The following KDM2B variants were observed in gnomAD, a reference collection of about 807,000 sequenced individuals.
KDM2B encodes lysine-specific demethylase 2B.
A neutral mutation model predicts 150.0 loss-of-function variants in KDM2B; 26 were observed. The ratio of observed to expected loss-of-function variants is 0.17; its 90% confidence interval spans 0.13 to 0.24. The LOEUF (loss-of-function observed/expected upper bound fraction) is 0.24. KDM2B is among the 10% of genes least tolerant of loss of function. The probability of loss-of-function intolerance (pLI) is 1.00; values close to 1 mark genes in which losing one functional copy is unlikely to be tolerated. For missense variants in KDM2B, 1,265 were observed against 1,816.9 expected, an observed-to-expected ratio of 0.70 and a Z score of 5.52; for synonymous variants, 734 against 729.5, an observed-to-expected ratio of 1.01 and a Z score of -0.10.
Position 121,443,785 on chromosome 12 carries a change from C to T in KDM2B, c.2460G>A (p.Ser820=), listed in dbSNP as rs1875624702. 2.5e-6 allele frequency: 4 copies of T among 1,593,418 alleles called. No homozygotes were observed. The highest frequency in any genetic ancestry group is 3.4e-6 in the Non-Finnish European group (4 of 1,168,954). The change falls in exon 17 of 23, where the codon TCG becomes TCA. Residue 820 remains serine, a synonymous_variant. Coordinates refer to ENST00000377071, the MANE Select transcript of KDM2B (RefSeq NM_032590.5). ...QELSGRKRAS[S]LQTSPGSSSH... The stretch of plus-strand genomic sequence containing the variant: ...AGGAGGAACCGGGGGACGTTTGAAG[C>T]GATGAGGCCTAAAGGGGGGTGGAGT...
intron 15 of KDM2B, 82 bp downstream of exon 15, chr12:121,444,368 A>G: frequency 6.2e-7 from 1 of 1,600,592 alleles, no homozygotes. Flanking sequence ...CCTGCCTGAA[A>G]CTCCTGGGAC....
intron 4 of KDM2B, among the ~76,000 whole-genome samples, chr12:121,560,445 A>G (rs1454898373): frequency 6.6e-6 from 1 of 152,168 alleles, no homozygotes; most frequent in East Asian, 1.9e-4. Context: ...ATAAATAAAA[A>G]CAAAACAAGC....
intron 12 of KDM2B, chr12:121,493,781 G>T (rs1261589278): frequency 2.0e-5 from 3 of 152,178 alleles, no homozygotes; most frequent in African/African-American, 7.2e-5. Context: ...CTCCTACAAA[G>T]TCCTCAACAA....
At chr12:121,461,694 G>A (rs112663192) in intron 12 of KDM2B, among the ~76,000 whole-genome samples, 1 of 152,150 alleles carries the variant, frequency 6.6e-6, no homozygotes, top group South Asian at 2.1e-4. Flanking sequence ...AATCCAAGGG[G>A]CCCATGGGAC....
At chr12:121,552,267 A>G (rs1889559126) in intron 4 of KDM2B, among the ~76,000 whole-genome samples, 2 of 152,172 alleles carry the variant, frequency 1.3e-5, no homozygotes, top group South Asian at 2.1e-4. Flanking sequence ...GGAATGCCCA[A>G]TTCGTGAGTG....
At chr12:121,482,673 A>C (rs1175423677) in intron 12 of KDM2B, among the ~76,000 whole-genome samples, 1 of 152,220 alleles carries the variant, frequency 6.6e-6, no homozygotes, top group Non-Finnish European at 1.5e-5. Context: ...CATAAAGAAC[A>C]AGTGAGTCAC....
intron 9 of KDM2B, chr12:121,516,559 T>G (rs1269559687): frequency 2.1e-6 from 3 of 1,447,146 alleles, no homozygotes; most frequent in Non-Finnish European, 2.7e-6. Context: ...ACATTATTTG[T>G]TGACAGACTC....
rs546138636 is a variant in KDM2B, at chr12:121,488,867, C to T, written c.1734+5712G>A. 1.6e-4 allele frequency among the ~76,000 whole-genome samples: 25 copies of T among 151,844 alleles called. 1 individual carries two copies. Among genetic ancestry groups the T allele is most frequent in the Admixed American group, 9.2e-4 (14 of 15,234 alleles). On this transcript the variant is annotated intron_variant, in intron 12 of 22. Coordinates refer to ENST00000377071, the MANE Select transcript of KDM2B (RefSeq NM_032590.5). Reference sequence around the variant, plus strand: ...TTGCCCAGGCTGGAGTGCAATGGCGCGATCTTGGCTCACTGCAACCTCTGC... The same window carrying T: ...TTGCCCAGGCTGGAGTGCAATGGCGTGATCTTGGCTCACTGCAACCTCTGC...
chr12:121,565,060 T>TA (rs777749393), intron 4 of KDM2B, among the ~76,000 whole-genome samples: 5 of 152,050 alleles, frequency 3.3e-5, no homozygotes, highest in African/African-American at 4.8e-5. Context: ...CTCAAACTCC[T>TA]AGACTCAAGC....
At chr12:121,503,175 G>C (rs1047176525) in intron 11 of KDM2B, among the ~76,000 whole-genome samples, 4 of 151,828 alleles carry the variant, frequency 2.6e-5, no homozygotes, top group African/African-American at 9.7e-5. Flanking sequence ...ATGGGGTTTT[G>C]CCATGTTTGC....
intron 11 of KDM2B, among the ~76,000 whole-genome samples, chr12:121,508,052 G>A (rs1056147810): frequency 2.0e-5 from 3 of 152,092 alleles, no homozygotes; most frequent in Non-Finnish European, 4.4e-5. Context: ...CTTTCCAAAA[G>A]CATGGAAAGA....
At chr12:121,579,026 C>A in intron 1 of KDM2B, 80 bp from the exon 2 acceptor site, 1 of 1,475,416 alleles carries the variant, frequency 6.8e-7, no homozygotes, top group South Asian at 1.2e-5. Flanking sequence ...CCAGCACTAA[C>A]AGGTGCAGCA....
rs556397787 is a variant in KDM2B at position 121,537,121 on chromosome 12, G to A, written c.684-2531C>T. Among the ~76,000 whole-genome samples the A allele has an allele frequency of 2.1e-4, 32 of 152,150 alleles. No individual in the cohort carries two copies. Among genetic ancestry groups the A allele is most frequent in the Admixed American group, 5.9e-4 (9 of 15,274 alleles). ...CTCCTCCCGGTGTCCCTCATTTCCT[G>A]GCCGCCAAGCCTGGCCGCCCCTCCC... On this transcript the variant is annotated intron_variant, in intron 6 of 22. Transcript: ENST00000377071. This position sits in a 1 kb window ranked among gnomAD's most constrained non-coding sequence, Gnocchi z 8.7.
chr12:121,571,219 G>A (rs990366782), intron 4 of KDM2B, among the ~76,000 whole-genome samples: 1 of 152,216 alleles, frequency 6.6e-6, no homozygotes, highest in Non-Finnish European at 1.5e-5. Flanking sequence ...TCTTTTGGGG[G>A]TGATAGAAAT....
intron 12 of KDM2B, among the ~76,000 whole-genome samples, chr12:121,483,420 C>T (rs901194096): frequency 6.6e-6 from 1 of 152,024 alleles, no homozygotes; most frequent in Non-Finnish European, 1.5e-5. Context: ...CGCCTGTAAT[C>T]CTAGCACTTT....
chr12:121,494,471 T>G (rs782527769), intron 12 of KDM2B, 108 bp downstream of exon 12: 1 of 710,356 alleles, frequency 1.4e-6, no homozygotes, highest in Non-Finnish European at 2.4e-6. Flanking sequence ...TGCGGTGCCT[T>G]CATCTCAGGA....
intron 12 of KDM2B, among the ~76,000 whole-genome samples, chr12:121,456,306 G>T (rs1236908175): frequency 6.6e-6 from 1 of 152,210 alleles, no homozygotes; most frequent in Non-Finnish European, 1.5e-5. Context: ...CCAACAAGAG[G>T]TGCAGAGAAG....
At chr12:121,532,725 G>C in intron 8 of KDM2B, 81 bp downstream of exon 8, 1 of 1,485,180 alleles carries the variant, frequency 6.7e-7, no homozygotes, top group Non-Finnish European at 9.2e-7. Flanking sequence ...ACCAGGCCCA[G>C]AGCAACCCTC....
chr12:121,568,648 A>T (rs1890877003), intron 4 of KDM2B, among the ~76,000 whole-genome samples: 2 of 152,160 alleles, frequency 1.3e-5, no homozygotes, highest in Non-Finnish European at 2.9e-5. Context: ...AAACTCATCC[A>T]AGGGGCTAGA....
Sources: allele counts gnomAD v4.1 joint callset (sites outside exome capture counted in the v4.1 genomes callset), GRCh38; gene constraint gnomAD v4.1.1; non-coding constraint Gnocchi (gnomAD v3.1); transcripts MANE v1.5; gene names NCBI Gene and HGNC (gene_info 2026-07-23, HGNC 2026-07-21).